The following CNTNAP1 variants were observed in gnomAD, a reference collection of about 807,000 sequenced individuals.
CNTNAP1 encodes contactin-associated protein 1.
In CNTNAP1, 80 loss-of-function variants were observed where a neutral mutation model predicts 161.5. The ratio of observed to expected loss-of-function variants is 0.50; its 90% CI spans 0.41 to 0.60. CNTNAP1 has a LOEUF of 0.60. CNTNAP1 is among the 20% of genes least tolerant of loss of function. CNTNAP1 has a pLI of 0.00. For synonymous variants in CNTNAP1, 695 were observed against 733.1 expected (o/e 0.95, Z 0.84); for missense variants, 1,464 against 1,854.8 (o/e 0.79, Z 3.87).
At position 42,691,614 on chromosome 17, in the gene CNTNAP1, C is replaced by A; in HGVS notation, c.2344+103C>A. On this transcript the variant is annotated intron_variant, in intron 15 of 23. Coordinates refer to ENST00000264638, the MANE Select transcript of CNTNAP1 (RefSeq NM_003632.3). The surrounding 1 kb of genome is among the most constrained non-coding windows in gnomAD (Gnocchi z 4.3). ...TGGTCTCTAGCTGGGGTGCCCGACC[C>A]CCAGCTCCTGCTGTGATGCGATCTC... is the stretch of plus-strand genomic sequence containing the variant. 6.6e-7 allele frequency: 1 copy of A among 1,523,328 alleles called. No homozygotes were observed. Among genetic ancestry groups the A allele is most frequent in the Non-Finnish European group, 8.9e-7 (1 of 1,119,110 alleles). 94.4% of individuals were successfully genotyped at this position (1,523,328 alleles called of 1,614,324 possible). A position where few individuals can be genotyped will look rare whatever the true frequency, so the allele number is the denominator to read the frequency against.
chr17:42,691,783 C>A lies in CNTNAP1; in HGVS notation c.2345-23C>A. On this transcript the variant is annotated intron_variant, in intron 15 of 23. Coordinates refer to ENST00000264638, the MANE Select transcript of CNTNAP1 (RefSeq NM_003632.3). The surrounding 1 kb of genome is among the most constrained non-coding windows in gnomAD (Gnocchi z 4.3). ...CCACCCTCCAATCTCCCTGACAAGA[C>A]CTTCCTCCATCTGCTTTTCTAGGAA... 6.2e-7 allele frequency: 1 copy of A among 1,612,794 alleles called. No individual in the cohort carries two copies. Among genetic ancestry groups the A allele is most frequent in the East Asian group, 2.2e-5 (1 of 44,858 alleles).
intron 20 of CNTNAP1, among the ~76,000 whole-genome samples, chr17:42,696,612 C>T (rs2053156066): frequency 1.3e-5 from 2 of 152,084 alleles, no homozygotes; most frequent in Admixed American, 1.3e-4. Flanking sequence ...CGTGAGCCAC[C>T]GCGCCCAGCC....
chr17:42,693,134 AT>A (rs1197512420), intron 17 of CNTNAP1, among the ~76,000 whole-genome samples, 162 bp from the exon 18 acceptor site: 21 of 150,668 alleles, frequency 1.4e-4, no homozygotes, highest in African/African-American at 3.4e-4. Flanking sequence ...TTTTTTTTGT[AT>A]TTTTTAGTAG....
Position 42,685,909 on chromosome 17 carries a change from T to C in CNTNAP1, c.716-48T>C, listed in dbSNP as rs375984546. The C allele has an allele frequency of 5.6e-6, 9 of 1,598,104 alleles. No homozygotes were observed. The highest frequency in any genetic ancestry group is 4.0e-5 in the African/African-American group (3 of 74,492). ...GCTCTGCCTAGGAGCTTGGACTCCA[T>C]GGAGTTCTCCTGGCTTGAGGTTTCA... On this transcript the variant is annotated intron_variant, in intron 5 of 23. Transcript: ENST00000264638. The surrounding 1 kb of genome is among the most constrained non-coding windows in gnomAD (Gnocchi z 5.0).
chr17:42,689,230 G>A (rs1400245425), intron 10 of CNTNAP1, among the ~76,000 whole-genome samples, 183 bp downstream of exon 10: 1 of 151,958 alleles, frequency 6.6e-6, no homozygotes, highest in East Asian at 1.9e-4. Flanking sequence ...TACATGCTCA[G>A]GATGGAAATG....
chr17:42,685,523 C>CA lies in CNTNAP1; in HGVS notation c.715+104dup, dbSNP rs568282289. ...CGCATCCGCGCTCAGCCTGGTCTTC[C>CA]ACTTCTCTAAGGCCTGGACCAAACT... On this transcript the variant is annotated intron_variant, in intron 5 of 23. Transcript: ENST00000264638. The surrounding 1 kb of genome is among the most constrained non-coding windows in gnomAD (Gnocchi z 5.0). The CA allele has an allele frequency of 8.7e-6, 10 of 1,155,680 alleles. No homozygotes were observed. In the East Asian group the frequency reaches 2.6e-4, roughly 30 times the overall value. The allele number at this position is 1,155,680 out of a possible 1,614,324, so 71.6% of individuals were successfully genotyped here. A position where few individuals can be genotyped will look rare whatever the true frequency, so the allele number is the denominator to read the frequency against.
chr17:42,698,534 CGTGTGT>C lies in CNTNAP1; in HGVS notation c.3863-55_3863-50del, dbSNP rs112344327. The C allele has an allele frequency of 2.1e-3, 1,802 of 863,932 alleles. 2 individuals are homozygous for C. The highest frequency in any genetic ancestry group is 0.011 in the South Asian group (607 of 56,236). The allele number at this position is 863,932 out of a possible 1,614,324, so 53.5% of individuals were successfully genotyped here. ...TATACAGGTGAAATCTCAAAGAGTG[CGTGTGT>C]GTGTGTGTGTGTGTGTGTGTGTGTG... On this transcript the variant is annotated intron_variant, in intron 23 of 23. Transcript: ENST00000264638.
chr17:42,685,842 G>A lies in CNTNAP1; in HGVS notation c.716-115G>A, dbSNP rs183391923. 6.4e-6 allele frequency: 7 copies of A among 1,090,156 alleles called. No individual in the cohort carries two copies. The East Asian group carries it at 1.7e-4, about 27-fold the overall frequency. 67.5% of individuals were successfully genotyped at this position (1,090,156 alleles called of 1,614,324 possible). On this transcript the variant is annotated intron_variant, in intron 5 of 23. Coordinates refer to ENST00000264638, the MANE Select transcript of CNTNAP1 (RefSeq NM_003632.3). This position sits in a 1 kb window ranked among gnomAD's most constrained non-coding sequence, Gnocchi z 5.0. ...CTCGCCAATGGCTGTTGATCTATTC[G>A]CCCACTCTCCCTGATTGCCCTGGGC...
Position 42,697,958 on chromosome 17 carries a change from G to A in CNTNAP1, c.3862+8G>A. ...TTGCCATACTTTTAGGCTGTGAGTA[G>A]CACTGATCACTAAGCTGACCTCCCA... On this transcript the variant is annotated splice_region_variant and intron_variant, in intron 23 of 23. Transcript: ENST00000264638. 6.2e-7 allele frequency: 1 copy of A among 1,614,156 alleles called. No individual in the cohort carries two copies. The highest frequency in any genetic ancestry group is 8.5e-7 in the Non-Finnish European group (1 of 1,180,000).
intron 13 of CNTNAP1, 32 bp downstream of exon 13, chr17:42,690,974 TGGAGGA>T (rs761534839): frequency 6.2e-7 from 1 of 1,611,844 alleles, no homozygotes; most frequent in Non-Finnish European, 8.5e-7. Flanking sequence ...GTGGCGGAAC[TGGAGGA>T]GACACCAATG....
At chr17:42,694,646 C>G (rs1174007532) in intron 18 of CNTNAP1, among the ~76,000 whole-genome samples, 1 of 145,072 alleles carries the variant, frequency 6.9e-6, no homozygotes, top group Non-Finnish European at 1.5e-5. Context: ...AAAAAAAAAG[C>G]AAATCGCTTC....
At position 42,693,331 on chromosome 17, in the gene CNTNAP1, T is replaced by C; in HGVS notation, c.2787T>C (p.Gly929=). 1 of 1,614,152 alleles carries C rather than the reference T, an allele frequency of 6.2e-7. No homozygotes were observed. Among genetic ancestry groups the C allele is most frequent in the Non-Finnish European group, 8.5e-7 (1 of 1,180,016 alleles). ...AGCTTAAGAGACGCCCCTTTGTGGG[T>C]TGCTTGAGGGCCATGCGTCTGAACG... ...SAELKRRPFV[G]CLRAMRLNGV... The change falls in exon 18 of 24, where the codon GGT becomes GGC. Residue 929 remains glycine, a synonymous_variant. Transcript: ENST00000264638.
At chr17:42,690,578 T>C (rs1224706794) in intron 12 of CNTNAP1, among the ~76,000 whole-genome samples, 161 bp from the exon 13 acceptor site, 3 of 151,818 alleles carry the variant, frequency 2.0e-5, no homozygotes, top group African/African-American at 7.3e-5. Flanking sequence ...CCAGCTATCT[T>C]ATTTCCAGCC....
At chr17:42,689,867 A>G in intron 11 of CNTNAP1, 2 of 583,012 alleles carry the variant, frequency 3.4e-6, no homozygotes, top group East Asian at 6.3e-5. Flanking sequence ...CAGCCTCCTA[A>G]GTAGCTGGGA....
At chr17:42,683,574 G>C (rs2052965619) in intron 1 of CNTNAP1, 1 of 1,371,510 alleles carries the variant, frequency 7.3e-7, no homozygotes, top group East Asian at 2.8e-5. Context: ...GCTAGCTAGG[G>C]AGGGTCTGGC....
intron 10 of CNTNAP1, 103 bp from the exon 11 acceptor site, chr17:42,689,418 G>C (rs2053057448): frequency 1.1e-6 from 1 of 903,286 alleles, no homozygotes; most frequent in South Asian, 1.6e-5. Context: ...TGTCTCACCG[G>C]GTTCTGGGGC....
intron 8 of CNTNAP1, among the ~76,000 whole-genome samples, chr17:42,688,260 C>T (rs2053043312): frequency 6.6e-6 from 1 of 152,218 alleles, no homozygotes; most frequent in East Asian, 1.9e-4. Context: ...TCGTTTATAA[C>T]TGTGCAGACT....
At position 42,699,276 on chromosome 17, in the gene CNTNAP1, A is replaced by T. The variant is rs2053196678; in HGVS notation, c.*366A>T. 1 of 179,764 alleles carries T rather than the reference A, an allele frequency of 5.6e-6. No individual in the cohort carries two copies. The highest frequency in any genetic ancestry group is 6.2e-5 in the Admixed American group (1 of 16,180). The allele number at this position is 179,764 out of a possible 1,614,324, so 11.1% of individuals were successfully genotyped here. On this transcript the variant is annotated 3_prime_UTR_variant, in exon 24 of 24. Coordinates refer to ENST00000264638, the MANE Select transcript of CNTNAP1 (RefSeq NM_003632.3). ...ATTAACTGCCTCCCTTCCAATAGAC[A>T]CTATCAGCAGGGACAGATGTGTGGG...
At chr17:42,689,651 G>A (rs1024399380) in intron 11 of CNTNAP1, 24 bp downstream of exon 11, 1 of 1,591,914 alleles carries the variant, frequency 6.3e-7, no homozygotes, top group Non-Finnish European at 8.6e-7. Flanking sequence ...GGTATGGGGG[G>A]AGTCAGGGAC....
Sources: gnomAD v4.1 joint callset for allele counts (sites outside exome capture counted in the v4.1 genomes callset) on GRCh38, gnomAD v4.1.1 for gene constraint, Gnocchi (gnomAD v3.1) non-coding constraint, MANE v1.5 for transcripts, NCBI Gene and HGNC (gene_info 2026-07-23, HGNC 2026-07-21) for gene names.